WDFY4: variants seen among roughly 807,000 people sequenced by gnomAD.
The protein encoded by WDFY4 is WD repeat- and FYVE domain-containing protein 4.
WDFY4 carries 169 observed loss-of-function variants against 351.9 expected under a neutral mutation model. The observed-to-expected ratio is 0.48, with a 90% CI of 0.42 to 0.55. The LOEUF is 0.55. WDFY4 is among the 20% of genes least tolerant of loss of function. WDFY4 has a pLI of 0.00. For missense variants in WDFY4, 3,803 were observed against 3,935.6 expected (o/e 0.97, Z 0.90); for synonymous variants, 1,622 against 1,574.6 (o/e 1.03, Z -0.71).
intron 44 of WDFY4, among the ~76,000 whole-genome samples, chr10:48,891,560 C>T (rs2070698029): frequency 6.6e-6 from 1 of 152,234 alleles, no homozygotes; most frequent in African/African-American, 2.4e-5. Flanking sequence ...TTCCAGTTGA[C>T]CCAGGTTCAG....
intron 6 of WDFY4, among the ~76,000 whole-genome samples, chr10:48,726,709 T>C (rs1406861983): frequency 6.6e-6 from 1 of 152,222 alleles, no homozygotes; most frequent in African/African-American, 2.4e-5. Flanking sequence ...ATTGGATTGT[T>C]GTGATTCTTT....
chr10:48,887,736 G>A (rs749270765), intron 43 of WDFY4, among the ~76,000 whole-genome samples: 16 of 148,558 alleles, frequency 1.1e-4, no homozygotes, highest in Non-Finnish European at 2.4e-4. Flanking sequence ...TGGAGATCTC[G>A]CCACTGCACT....
At chr10:48,915,000 G>T (rs950013309) in intron 47 of WDFY4, among the ~76,000 whole-genome samples, 1 of 152,186 alleles carries the variant, frequency 6.6e-6, no homozygotes, top group African/African-American at 2.4e-5. Flanking sequence ...CTGCCTCAGT[G>T]CAGGGAAGCA....
intron 23 of WDFY4, among the ~76,000 whole-genome samples, chr10:48,793,571 G>C (rs538470006): frequency 2.6e-5 from 4 of 151,954 alleles, no homozygotes; most frequent in Non-Finnish European, 4.4e-5. Flanking sequence ...ACGTTTTCTC[G>C]CTTTGTGTTT....
intron 47 of WDFY4, among the ~76,000 whole-genome samples, chr10:48,915,014 T>A (rs1410574428): frequency 6.6e-6 from 1 of 152,224 alleles, no homozygotes; most frequent in Non-Finnish European, 1.5e-5. Flanking sequence ...GGAAGCAGAA[T>A]GTCAATGTGA....
intron 1 of WDFY4, among the ~76,000 whole-genome samples, chr10:48,698,702 A>G (rs114521313): frequency 0.011 from 1,740 of 152,296 alleles, 37 homozygotes; most frequent in African/African-American, 0.039. Flanking sequence ...GTGCATGCCA[A>G]GTTGTACTGG....
intron 12 of WDFY4, chr10:48,745,547 G>T (rs2064983190): frequency 2.5e-6 from 1 of 399,610 alleles, no homozygotes; most frequent in African/African-American, 2.1e-5. Flanking sequence ...TTGGGCTCAT[G>T]GGTCTTGAGG....
At chr10:48,787,902 T>TCTC (rs1398034000) in intron 20 of WDFY4, among the ~76,000 whole-genome samples, 8 of 30,416 alleles carry the variant, frequency 2.6e-4, no homozygotes, top group African/African-American at 1.3e-3. Context: ...TCCTTCTTCT[T>TCTC]CTTCTTCTTC....
At chr10:48,881,525 GAA>G (rs1216899373) in intron 43 of WDFY4, among the ~76,000 whole-genome samples, 1 of 152,172 alleles carries the variant, frequency 6.6e-6, no homozygotes, top group Non-Finnish European at 1.5e-5. Flanking sequence ...AAGGTTTTGG[GAA>G]AAAGAGGGAA....
intron 17 of WDFY4, 59 bp downstream of exon 17, chr10:48,777,554 A>G (rs956000322): frequency 2.3e-5 from 34 of 1,457,698 alleles, no homozygotes; most frequent in Admixed American, 7.9e-5. Flanking sequence ...GAGTCTTCAG[A>G]TAGCCTTGAT....
At chr10:48,749,332 A>G (rs149055156) in intron 12 of WDFY4, among the ~76,000 whole-genome samples, 3 of 152,222 alleles carry the variant, frequency 2.0e-5, no homozygotes, top group African/African-American at 7.2e-5. Context: ...ACATGCACAT[A>G]TACATACACC....
chr10:48,903,995 A>G (rs35599486), intron 47 of WDFY4, among the ~76,000 whole-genome samples: 20,318 of 152,248 alleles, frequency 0.13, 1,513 homozygotes, highest in Middle Eastern at 0.21. Context: ...TGTGGAAGAC[A>G]TCCTGGAAGC....
In WDFY4 at chr10:48,914,494, C is replaced by T. The variant is rs140395845; in HGVS notation, c.7586+12631C>T. Among the ~76,000 whole-genome samples the T allele has an allele frequency of 1.8e-3, 268 of 152,230 alleles. 3 individuals are homozygous for T. Among genetic ancestry groups the T allele is most frequent in the Middle Eastern group, 0.017 (5 of 294 alleles). On this transcript the variant is annotated intron_variant, in intron 47 of 61. Transcript: ENST00000325239. ...AATGTCCCTCTAGCTGTGCCATGCC[C>T]CGACTTATAAATACTCTCCACTGTC...
At chr10:48,966,126 T>C (rs1004105601) in intron 54 of WDFY4, among the ~76,000 whole-genome samples, 9 of 152,142 alleles carry the variant, frequency 5.9e-5, no homozygotes, top group Non-Finnish European at 1.2e-4. Context: ...GAGGGAAGGA[T>C]GAAAACTATG....
At chr10:48,915,738 G>A (rs1564481672) in intron 47 of WDFY4, among the ~76,000 whole-genome samples, 1 of 152,154 alleles carries the variant, frequency 6.6e-6, no homozygotes, top group Non-Finnish European at 1.5e-5. Flanking sequence ...CCTGCGAAAG[G>A]CCTGATGGAT....
intron 8 of WDFY4, 103 bp downstream of exon 8, chr10:48,729,692 A>T: frequency 1.4e-6 from 2 of 1,400,826 alleles, no homozygotes. Context: ...TCAATGGTGC[A>T]GTAGGCTCTG....
chr10:48,848,665 C>G (rs1476712593), intron 39 of WDFY4, among the ~76,000 whole-genome samples: 1 of 152,144 alleles, frequency 6.6e-6, no homozygotes, highest in Non-Finnish European at 1.5e-5. Flanking sequence ...ACTGCCTCCA[C>G]TTGGGAAGCC....
At chr10:48,804,195 C>T (rs992724756) in intron 25 of WDFY4, among the ~76,000 whole-genome samples, 2 of 152,224 alleles carry the variant, frequency 1.3e-5, no homozygotes, top group African/African-American at 2.4e-5. Context: ...CCCCACCTGC[C>T]TCCTCCTGGC....
chr10:48,827,418 T>C (rs61838884), intron 36 of WDFY4, among the ~76,000 whole-genome samples: 29,494 of 150,070 alleles, frequency 0.2, 3,999 homozygotes, highest in African/African-American at 0.38. Context: ...TTTGAGTCCT[T>C]TTCTTGAAGC....
Sources: allele counts gnomAD v4.1 joint callset (sites outside exome capture counted in the v4.1 genomes callset), GRCh38; gene constraint gnomAD v4.1.1; transcripts MANE v1.5; gene names NCBI Gene and HGNC (gene_info 2026-07-23, HGNC 2026-07-21).